Variants in SP140L observed in about 807,000 individuals in gnomAD.
The protein encoded by SP140L is SP140 like nuclear body protein, also known as nuclear body protein SP140-like protein.
In SP140L, 64 loss-of-function variants were observed where a neutral mutation model predicts 84.3. The ratio of observed to expected loss-of-function variants is 0.76; its 90% CI spans 0.62 to 0.94. SP140L has a LOEUF of 0.94. Among genes scored for constraint, SP140L ranks in the 40% least tolerant of loss-of-function variants. The probability of loss-of-function intolerance (pLI) is 0.00; values close to 1 mark genes in which losing one functional copy is unlikely to be tolerated. For missense variants in SP140L, 628 were observed against 692.5 expected (o/e 0.91, Z 1.05); for synonymous variants, 242 against 236.9 (o/e 1.02, Z -0.20).
In SP140L at chr2:230,396,785, C is replaced by T. The variant is rs1455640079; in HGVS notation, c.1184C>T (p.Ser395Leu). 3.7e-6 allele frequency: 6 copies of T among 1,613,972 alleles called. No homozygotes were observed. The highest frequency in any genetic ancestry group is 5.1e-6 in the Non-Finnish European group (6 of 1,179,890). ...ATACTGAAGTCTCAAAACAATAGCT[C>T]AGTTGACCCTTGTGTAAGTATAAAT... The part of the protein sequence containing the change: ...KRILKSQNNS[S>L]VDPCMRNLDE... The change falls in exon 14 of 19, where the codon TCA becomes TTA. Residue 395 changes from serine to leucine, a missense_variant. Coordinates refer to ENST00000415673, the MANE Select transcript of SP140L (RefSeq NM_138402.6).
chr2:230,332,975 A>G (rs188608178), intron 2 of SP140L, among the ~76,000 whole-genome samples: 17 of 152,322 alleles, frequency 1.1e-4, no homozygotes, highest in African/African-American at 3.8e-4. Flanking sequence ...CGCATTATCC[A>G]GTAGCCTCCT....
chr2:230,394,140 T>C (rs2061946331), intron 13 of SP140L, among the ~76,000 whole-genome samples: 1 of 152,216 alleles, frequency 6.6e-6, no homozygotes, highest in Non-Finnish European at 1.5e-5. Flanking sequence ...AAATCTTTTA[T>C]GTTGATGCCA....
chr2:230,377,799 A>G (rs991093298), intron 7 of SP140L, among the ~76,000 whole-genome samples: 2 of 152,182 alleles, frequency 1.3e-5, no homozygotes, highest in African/African-American at 4.8e-5. Flanking sequence ...ATACTCACCA[A>G]TACTTGATAG....
chr2:230,391,891 C>T (rs1482152591), intron 11 of SP140L, 196 bp from the exon 12 acceptor site: 2 of 626,296 alleles, frequency 3.2e-6, no homozygotes, highest in Non-Finnish European at 5.4e-6. Flanking sequence ...GACATGTGCA[C>T]CCCCACCAGG....
At chr2:230,359,782 A>G (rs2060656049) in intron 4 of SP140L, among the ~76,000 whole-genome samples, 1 of 152,230 alleles carries the variant, frequency 6.6e-6, no homozygotes, top group South Asian at 2.1e-4. Context: ...TTCTAGAATA[A>G]TGAACAAGAA....
intron 15 of SP140L, 95 bp downstream of exon 15, chr2:230,400,337 G>A (rs2062264074): frequency 2.3e-6 from 3 of 1,288,948 alleles, no homozygotes; most frequent in African/African-American, 1.5e-5. Context: ...TGTCTAGATG[G>A]GGAAGGAGCA....
intron 7 of SP140L, among the ~76,000 whole-genome samples, chr2:230,382,277 G>A (rs559685711): frequency 1.3e-5 from 2 of 152,098 alleles, no homozygotes; most frequent in Non-Finnish European, 2.9e-5. Context: ...GCCTGGTGCG[G>A]AGAGGCTGAC....
chr2:230,375,991 A>G (rs1283125399), intron 7 of SP140L, among the ~76,000 whole-genome samples: 2 of 152,094 alleles, frequency 1.3e-5, no homozygotes, highest in South Asian at 2.1e-4. Flanking sequence ...CCCAGACCAA[A>G]ATCGAGGAGT....
chr2:230,402,911 G>A lies in SP140L; in HGVS notation c.*15G>A. The A allele has an allele frequency of 6.3e-7, 1 of 1,590,986 alleles. No homozygotes were observed. On this transcript the variant is annotated 3_prime_UTR_variant, in exon 19 of 19. Transcript: ENST00000415673. ...GGAACAGTTGACTGGTTTAGTGGAT[G>A]CTGAAGGCCTTCAGGAAATATGCTA...
chr2:230,396,652 A>G (rs1363722546), intron 13 of SP140L, 105 bp from the exon 14 acceptor site: 2 of 1,358,832 alleles, frequency 1.5e-6, no homozygotes, highest in South Asian at 1.4e-5. Context: ...TTTTTTTACA[A>G]CTGGTTCCTG....
chr2:230,369,672 G>C (rs1474830258), intron 5 of SP140L, among the ~76,000 whole-genome samples: 1 of 152,208 alleles, frequency 6.6e-6, no homozygotes, highest in African/African-American at 2.4e-5. Context: ...GACTGCCACT[G>C]ATGGGCTAGC....
intron 13 of SP140L, among the ~76,000 whole-genome samples, chr2:230,396,068 CTGAT>C (rs1201394169): frequency 1.3e-5 from 2 of 152,162 alleles, no homozygotes; most frequent in African/African-American, 4.8e-5. Context: ...AATTCTCAGC[CTGAT>C]TATTATTGCA....
intron 5 of SP140L, among the ~76,000 whole-genome samples, chr2:230,366,964 G>A (rs761943601): frequency 1.3e-5 from 2 of 151,874 alleles, no homozygotes; most frequent in Non-Finnish European, 2.9e-5. Flanking sequence ...AACTCCTGAG[G>A]CAATCTGTCC....
At chr2:230,388,523 A>G (rs751332726) in intron 9 of SP140L, 36 bp from the exon 10 acceptor site, 9 of 1,565,884 alleles carry the variant, frequency 5.7e-6, no homozygotes, top group Non-Finnish European at 7.8e-6. Context: ...ACAGCTGCTC[A>G]TTTGTAACTG....
intron 2 of SP140L, among the ~76,000 whole-genome samples, chr2:230,347,607 G>A (rs1024758332): frequency 2.0e-5 from 3 of 152,150 alleles, no homozygotes; most frequent in Non-Finnish European, 4.4e-5. Flanking sequence ...TTACTATTTG[G>A]GCTTCCTGGT....
intron 13 of SP140L, among the ~76,000 whole-genome samples, chr2:230,394,027 G>T (rs2061941872): frequency 6.6e-6 from 1 of 152,128 alleles, no homozygotes; most frequent in Admixed American, 6.5e-5. Flanking sequence ...CAGATACACA[G>T]AATTCTTTCT....
chr2:230,380,562 A>G (rs2061370855), intron 7 of SP140L, among the ~76,000 whole-genome samples: 2 of 152,174 alleles, frequency 1.3e-5, no homozygotes, highest in Admixed American at 1.3e-4. Flanking sequence ...ACTTTTCTGC[A>G]CCATCGAAAT....
chr2:230,346,263 G>A (rs1352891880), intron 2 of SP140L, among the ~76,000 whole-genome samples: 2 of 152,088 alleles, frequency 1.3e-5, no homozygotes, highest in Non-Finnish European at 2.9e-5. Context: ...TTAGTCTTAT[G>A]AGGGCTCCAT....
chr2:230,361,190 G>A (rs150990788), intron 4 of SP140L, among the ~76,000 whole-genome samples: 1 of 152,088 alleles, frequency 6.6e-6, no homozygotes, highest in Non-Finnish European at 1.5e-5. Flanking sequence ...AGGTTCAGGA[G>A]ATGCTCCTGC....
Sources: gnomAD v4.1 joint callset for allele counts (sites outside exome capture counted in the v4.1 genomes callset) on GRCh38, gnomAD v4.1.1 for gene constraint, MANE v1.5 for transcripts, NCBI Gene and HGNC (gene_info 2026-07-23, HGNC 2026-07-21) for gene names.